Variants in GRTP1 observed in about 807,000 individuals in gnomAD.
GRTP1 encodes the protein growth hormone-regulated TBC protein 1.
A neutral mutation model predicts 38.1 loss-of-function variants in GRTP1; 56 were observed. The ratio of observed to expected loss-of-function variants is 1.47; its 90% CI spans 1.19 to 1.84. The LOEUF is 1.84. Ranked by LOEUF, GRTP1 falls within the 40% of genes most tolerant of loss-of-function variation. GRTP1 has a pLI of 0.00. For synonymous variants in GRTP1, 217 were observed against 189.5 expected (o/e 1.14, Z -1.19); for missense variants, 506 against 453.9 (o/e 1.11, Z -1.04).
In GRTP1 at chr13:113,356,727, A is replaced by G. The variant is rs9324237; in HGVS notation, c.182-1246T>C. 2.2e-3 allele frequency among the ~76,000 whole-genome samples: 331 copies of G among 152,360 alleles called. 3 individuals carry two copies. Among genetic ancestry groups the G allele is most frequent in the African/African-American group, 7.6e-3 (318 of 41,594 alleles). ...ATAAAAACTCATAACTTTATAGGCT[A>G]CAGTCAAGAAAAGCACTATAGGGTA... is the stretch of plus-strand genomic sequence containing the variant. On this transcript the variant is annotated intron_variant, in intron 2 of 7. Transcript: ENST00000375431.
chr13:113,352,378 T>TATATATATATATATATTTA (rs2043303271), intron 3 of GRTP1, among the ~76,000 whole-genome samples: 2 of 114,704 alleles, frequency 1.7e-5, no homozygotes, highest in Non-Finnish European at 3.5e-5. Flanking sequence ...ATATATATAT[T>TATATATATATATATATTTA]TATATATATA....
In GRTP1 at chr13:113,348,777, C is replaced by A. The variant is rs1050417705; in HGVS notation, c.465+2072G>T. 6.6e-6 allele frequency among the ~76,000 whole-genome samples: 1 copy of A among 152,160 alleles called. No individual in the cohort carries two copies. The highest frequency in any genetic ancestry group is 1.5e-5 in the Non-Finnish European group (1 of 68,026). On this transcript the variant is annotated intron_variant, in intron 4 of 7. Coordinates refer to ENST00000375431, the MANE Select transcript of GRTP1 (RefSeq NM_024719.4). The surrounding 1 kb of genome is among the most constrained non-coding windows in gnomAD (Gnocchi z 4.8). ...AACCAGGGCAAGGCCTGGGACAGTC[C>A]GTCCGTCACAGCCTCAGAAAGAACC...
At chr13:113,353,411 G>A (rs1436563719) in intron 3 of GRTP1, among the ~76,000 whole-genome samples, 1 of 152,252 alleles carries the variant, frequency 6.6e-6, no homozygotes, top group Non-Finnish European at 1.5e-5. Flanking sequence ...CCCATGCGTG[G>A]AATATTATTC....
chr13:113,364,042 C>T lies in GRTP1; in HGVS notation c.10G>A (p.Ala4Thr), dbSNP rs773329497. Residue 4 changes from alanine (A) to threonine (T), a missense_variant, in exon 1 of 8, where the codon GCC (alanine) becomes ACC (threonine). Ala to Thr is a moderately conservative substitution (Grantham distance 58, BLOSUM62 0). Transcript: ENST00000375431. MQP[A>T]ERSRVPRIDP... ...CACCTGGGGACCCGCGAGCGCTCGG[C>T]GGGCTGCATGCGGGGAGGGAGGCGC... is the stretch of plus-strand genomic sequence containing the variant. 54 of 1,289,530 alleles carry T rather than the reference C, an allele frequency of 4.2e-5. No homozygotes were observed. Among genetic ancestry groups the T allele is most frequent in the Non-Finnish European group, 5.1e-5 (52 of 1,023,416 alleles). The allele number at this position is 1,289,530 out of a possible 1,614,324, so 79.9% of individuals were successfully genotyped here. A position where few individuals can be genotyped will look rare whatever the true frequency, so the allele number is the denominator to read the frequency against.
chr13:113,327,905 CAGAGA>C (rs746453565), intron 5 of GRTP1, among the ~76,000 whole-genome samples: 2 of 152,364 alleles, frequency 1.3e-5, no homozygotes, highest in Admixed American at 1.3e-4. Flanking sequence ...GCCCCAGACA[CAGAGA>C]AGCTTAGAAC....
At chr13:113,327,178 A>G (rs1595471633) in intron 5 of GRTP1, among the ~76,000 whole-genome samples, 2 of 152,256 alleles carry the variant, frequency 1.3e-5, no homozygotes, top group East Asian at 1.9e-4. Flanking sequence ...GTAATGAGTT[A>G]TAGTACATTT....
intron 5 of GRTP1, among the ~76,000 whole-genome samples, chr13:113,340,689 A>T (rs1177359454): frequency 6.6e-6 from 1 of 152,054 alleles, no homozygotes; most frequent in Non-Finnish European, 1.5e-5. Context: ...CTGAGGCAGG[A>T]GAATGGCGTG....
chr13:113,356,604 A>G (rs2043391723), intron 2 of GRTP1, among the ~76,000 whole-genome samples: 1 of 152,176 alleles, frequency 6.6e-6, no homozygotes, highest in Non-Finnish European at 1.5e-5. Context: ...TTTAAAAGAA[A>G]CCATACTTTA....
chr13:113,339,173 C>A (rs2042995018), intron 5 of GRTP1, among the ~76,000 whole-genome samples: 1 of 152,132 alleles, frequency 6.6e-6, no homozygotes, highest in African/African-American at 2.4e-5. Flanking sequence ...CTCAGCCTCC[C>A]AAAGTGCTGG....
chr13:113,324,727 C>CA lies in GRTP1; in HGVS notation c.922-151dup, dbSNP rs2042733838. The CA allele has an allele frequency of 4.9e-6, 7 of 1,421,384 alleles. No individual in the cohort carries two copies. In the South Asian group the frequency reaches 1.1e-4, roughly 22 times the overall value. The allele number at this position is 1,421,384 out of a possible 1,614,324, so 88.0% of individuals were successfully genotyped here. A position where few individuals can be genotyped will look rare whatever the true frequency, so the allele number is the denominator to read the frequency against. ...GCTTCTGGGGTGACCCACAGATTGTCACCATCTCACTCCTGCCCTGGGGCC... is the reference window on the plus strand; with the variant it reads ...GCTTCTGGGGTGACCCACAGATTGTCAACCATCTCACTCCTGCCCTGGGGCC... On this transcript the variant is annotated intron_variant, in intron 7 of 7. Transcript: ENST00000375431.
intron 4 of GRTP1, 31 bp from the exon 5 acceptor site, chr13:113,344,990 C>T: frequency 6.3e-7 from 1 of 1,582,448 alleles, no homozygotes; most frequent in Admixed American, 1.9e-5. Flanking sequence ...AACAAATTCA[C>T]ATTGAGTTTT....
At chr13:113,332,607 C>A (rs913707117) in intron 5 of GRTP1, among the ~76,000 whole-genome samples, 2 of 152,226 alleles carry the variant, frequency 1.3e-5, no homozygotes, top group Non-Finnish European at 2.9e-5. Flanking sequence ...TCCCACCCGA[C>A]GGTCTTCAAG....
chr13:113,344,334 G>A (rs2043067393), intron 5 of GRTP1, among the ~76,000 whole-genome samples: 1 of 152,216 alleles, frequency 6.6e-6, no homozygotes, highest in Admixed American at 6.5e-5. Context: ...TGCCGTCCCA[G>A]GAGCAAGCAG....
At chr13:113,334,984 G>A (rs367900399) in intron 5 of GRTP1, among the ~76,000 whole-genome samples, 20 of 151,850 alleles carry the variant, frequency 1.3e-4, no homozygotes, top group African/African-American at 3.6e-4. Flanking sequence ...CACCACGCCC[G>A]GCTAATTTTT....
chr13:113,331,457 G>C (rs1201508270), intron 5 of GRTP1, among the ~76,000 whole-genome samples: 2 of 152,042 alleles, frequency 1.3e-5, no homozygotes, highest in Non-Finnish European at 2.9e-5. Flanking sequence ...GCACAGCAAG[G>C]ACAGCCAGTG....
chr13:113,355,915 C>T (rs1297473495), intron 2 of GRTP1, among the ~76,000 whole-genome samples: 2 of 152,220 alleles, frequency 1.3e-5, no homozygotes, highest in Non-Finnish European at 2.9e-5. Context: ...GTTTCAGTGG[C>T]AGACGTCACT....
At chr13:113,353,522 C>T (rs1234707729) in intron 3 of GRTP1, among the ~76,000 whole-genome samples, 3 of 152,018 alleles carry the variant, frequency 2.0e-5, no homozygotes, top group Non-Finnish European at 2.9e-5. Flanking sequence ...ACGCAGCCCA[C>T]GGGACTCCTC....
Position 113,348,953 on chromosome 13 carries a change from C to T in GRTP1, c.465+1896G>A, listed in dbSNP as rs930242349. Among the ~76,000 whole-genome samples the T allele has an allele frequency of 2.6e-5, 4 of 152,106 alleles. No homozygotes were observed. Among genetic ancestry groups the T allele is most frequent in the South Asian group, 2.1e-4 (1 of 4,832 alleles). ...CAGCAAGCTAACAGGTGCACATCTC[C>T]GCACACACATGTACGTATGTGCCTG... On this transcript the variant is annotated intron_variant, in intron 4 of 7. Coordinates refer to ENST00000375431, the MANE Select transcript of GRTP1 (RefSeq NM_024719.4). This position sits in a 1 kb window ranked among gnomAD's most constrained non-coding sequence, Gnocchi z 4.8.
intron 7 of GRTP1, chr13:113,325,297 G>C: frequency 7.5e-7 from 1 of 1,327,678 alleles, no homozygotes; most frequent in African/African-American, 1.5e-5. Flanking sequence ...GTCAGGTACA[G>C]CTCCCACAAC....
Sources: allele counts gnomAD v4.1 joint callset (sites outside exome capture counted in the v4.1 genomes callset), GRCh38; gene constraint gnomAD v4.1.1; non-coding constraint Gnocchi (gnomAD v3.1); transcripts MANE v1.5; gene names NCBI Gene and HGNC (gene_info 2026-07-23, HGNC 2026-07-21).